TSSC4: variants seen among roughly 807,000 people sequenced by gnomAD.
TSSC4 encodes the protein tumor suppressing subtransferable candidate 4, also known as U5 small nuclear ribonucleoprotein TSSC4.
For missense variants in TSSC4, 500 were observed against 443.9 expected (o/e 1.13, Z -1.14); for synonymous variants, 259 against 197.9 (o/e 1.31, Z -2.59).
intron 1 of TSSC4, chr11:2,401,086 C>A (rs1850131481): frequency 6.6e-6 from 1 of 152,196 alleles, no homozygotes; most frequent in Non-Finnish European, 1.5e-5. Flanking sequence ...CCGGGCTCTG[C>A]GTTCATGTGG....
At chr11:2,401,246 T>C (rs1319162596) in intron 1 of TSSC4, 1 of 152,198 alleles carries the variant, frequency 6.6e-6, no homozygotes, top group Non-Finnish European at 1.5e-5. Context: ...AGTGCCCCGC[T>C]GACCAGGCTG....
chr11:2,401,146 C>G (rs973878526), intron 1 of TSSC4: 1 of 152,258 alleles, frequency 6.6e-6, no homozygotes, highest in Admixed American at 6.5e-5. Context: ...GTCAACTCTA[C>G]CTTCCACTCG....
Position 2,402,427 on chromosome 11 carries a change from A to G in TSSC4, c.-47A>G, listed in dbSNP as rs542154572. ...GTCCAATCACACTCCAGTGTCAACC[A>G]CTGGCACCCAGCAGCCAAGAGAGGT... is the stretch of plus-strand genomic sequence containing the variant. On this transcript the variant is annotated 5_prime_UTR_variant, in exon 2 of 3. Transcript: ENST00000333256. 1.1e-4 allele frequency: 65 copies of G among 598,292 alleles called. No homozygotes were observed. In the Admixed American group the frequency reaches 2.1e-3, roughly 19 times the overall value. The allele number at this position is 598,292 out of a possible 1,614,324, so 37.1% of individuals were successfully genotyped here.
Position 2,403,713 on chromosome 11 carries a change from T to A in TSSC4, c.*90T>A. 7.6e-7 allele frequency: 1 copy of A among 1,322,034 alleles called. No homozygotes were observed. The highest frequency in any genetic ancestry group is 1.0e-6 in the Non-Finnish European group (1 of 1,004,036). 81.9% of individuals were successfully genotyped at this position (1,322,034 alleles called of 1,614,324 possible). A position where few individuals can be genotyped will look rare whatever the true frequency, so the allele number is the denominator to read the frequency against. ...GTCAGGGGGCAGCCTGGCCACTGCC[T>A]AGCTGGAATGGGAGGAAGCCTGCAG... On this transcript the variant is annotated 3_prime_UTR_variant, in exon 3 of 3. Transcript: ENST00000333256.
intron 1 of TSSC4, chr11:2,401,119 C>T (rs1032917545): frequency 3.9e-5 from 6 of 152,222 alleles, no homozygotes; most frequent in African/African-American, 1.4e-4. Flanking sequence ...CTTCCTTCAG[C>T]CTACGGACAT....
chr11:2,401,068 G>C (rs1850131067), intron 1 of TSSC4: 1 of 152,166 alleles, frequency 6.6e-6, no homozygotes, highest in Non-Finnish European at 1.5e-5. Flanking sequence ...ACATATAGTG[G>C]AGAAAGGCCG....
Position 2,403,438 on chromosome 11 carries a change from G to A in TSSC4, c.805G>A (p.Glu269Lys). ...GGCCGGGCCCGGGAGCCCAGAGGCTGAGGAGTGGGGCAGCCACCATGGAGG... is the reference window on the plus strand; with the variant it reads ...GGCCGGGCCCGGGAGCCCAGAGGCTAAGGAGTGGGGCAGCCACCATGGAGG... Reference protein sequence around the residue: ...HLAGPGSPEAEEWGSHHGGLQ... With the variant: ...HLAGPGSPEAKEWGSHHGGLQ... The change falls in exon 3 of 3, where the codon GAG (glutamate) becomes AAG (lysine). Residue 269 changes from glutamate (E) to lysine (K), a missense_variant. Transcript: ENST00000333256. 6.3e-7 allele frequency: 1 copy of A among 1,594,408 alleles called. No homozygotes were observed. Among genetic ancestry groups the A allele is most frequent in the Non-Finnish European group, 8.6e-7 (1 of 1,169,420 alleles).
chr11:2,401,104 G>A (rs1850131882), intron 1 of TSSC4: 1 of 152,216 alleles, frequency 6.6e-6, no homozygotes, highest in Non-Finnish European at 1.5e-5. Context: ...TGGAGAAAGA[G>A]ACGGCTTCCT....
Position 2,403,438 on chromosome 11 carries a change from G to C in TSSC4, c.805G>C (p.Glu269Gln), listed in dbSNP as rs1850235141. Residue 269 changes from glutamate (E) to glutamine (Q), a missense_variant, in exon 3 of 3, where the codon GAG becomes CAG. Physicochemically the swap from Glu to Gln is conservative, Grantham distance 29 (BLOSUM62 2). Transcript: ENST00000333256. ...GGCCGGGCCCGGGAGCCCAGAGGCT[G>C]AGGAGTGGGGCAGCCACCATGGAGG... ...HLAGPGSPEA[E>Q]EWGSHHGGLQ... 1.3e-6 allele frequency: 2 copies of C among 1,594,290 alleles called. No homozygotes were observed. Among genetic ancestry groups the C allele is most frequent in the South Asian group, 2.3e-5 (2 of 88,850 alleles).
chr11:2,403,562 G>C lies in TSSC4; in HGVS notation c.929G>C (p.Arg310Pro). 6.4e-7 allele frequency: 1 copy of C among 1,570,790 alleles called. No homozygotes were observed. Among genetic ancestry groups the C allele is most frequent in the South Asian group, 1.2e-5 (1 of 83,576 alleles). ...GTTGGCTTCCATGGCAGCAGGAAGCGGAGTCGAGACCACTTCCGGAACAAG... is the reference window on the plus strand; with the variant it reads ...GTTGGCTTCCATGGCAGCAGGAAGCCGAGTCGAGACCACTTCCGGAACAAG... ...ETVGFHGSRKRSRDHFRNKSS... is the reference protein window; with the variant it reads ...ETVGFHGSRKPSRDHFRNKSS... Residue 310 changes from arginine to proline, a missense_variant, in exon 3 of 3, where the codon CGG (arginine) becomes CCG (proline). Coordinates refer to ENST00000333256, the MANE Select transcript of TSSC4 (RefSeq NM_005706.4).
chr11:2,401,879 G>A (rs1850155597), intron 1 of TSSC4: 1 of 152,180 alleles, frequency 6.6e-6, no homozygotes, highest in African/African-American at 2.4e-5. Flanking sequence ...TTTCCTGAGA[G>A]CTTGACCCTC....
In TSSC4 at chr11:2,403,428, C is replaced by T; in HGVS notation, c.795C>T (p.Ser265=). ...TGGCCCATCTGGCCGGGCCCGGGAG[C>T]CCAGAGGCTGAGGAGTGGGGCAGCC... The part of the protein sequence containing the change: ...VELAHLAGPG[S]PEAEEWGSHH... Residue 265 remains serine (S), a synonymous_variant, in exon 3 of 3, where the codon AGC becomes AGT. Coordinates refer to ENST00000333256, the MANE Select transcript of TSSC4 (RefSeq NM_005706.4). 1 of 1,592,854 alleles carries T rather than the reference C, an allele frequency of 6.3e-7. No individual in the cohort carries two copies. Among genetic ancestry groups the T allele is most frequent in the East Asian group, 2.2e-5 (1 of 44,588 alleles).
chr11:2,402,678 C>T lies in TSSC4; in HGVS notation c.45C>T (p.Gly15=), dbSNP rs1404645272. The part of the protein sequence containing the change: ...GTGEPSPSVE[G]EHGTEYDTLP... ...GTGAGCCGTCCCCCAGCGTGGAGGG[C>T]GAACACGGGACGGAGTATGACACGC... Residue 15 remains glycine, a synonymous_variant, in exon 3 of 3, where the codon GGC becomes GGT. Transcript: ENST00000333256. 1.3e-5 allele frequency: 20 copies of T among 1,591,122 alleles called. No individual in the cohort carries two copies. The highest frequency in any genetic ancestry group is 1.1e-4 in the East Asian group (5 of 44,002).
intron 2 of TSSC4, 39 bp from the exon 3 acceptor site, chr11:2,402,572 C>T (rs925663784): frequency 2.0e-6 from 3 of 1,485,098 alleles, no homozygotes; most frequent in Non-Finnish European, 2.7e-6. Flanking sequence ...CAATACTGTT[C>T]CTCCTGAGAA....
intron 1 of TSSC4, chr11:2,401,327 C>T (rs1208448389): frequency 6.6e-6 from 1 of 152,282 alleles, no homozygotes; most frequent in Non-Finnish European, 1.5e-5. Context: ...TCTGGTTGAA[C>T]TCCAGCTTCG....
Position 2,402,356 on chromosome 11 carries a change from C to T in TSSC4, c.-118C>T, listed in dbSNP as rs749995511. On this transcript the variant is annotated 5_prime_UTR_variant, in exon 2 of 3. Transcript: ENST00000333256. ...AGGCCTGAGACGACCACGCCTGTGC[C>T]GCTGAGGACCTTCATCAGGGCTCCG... is the stretch of plus-strand genomic sequence containing the variant. 5.8e-5 allele frequency: 28 copies of T among 479,898 alleles called. No homozygotes were observed. Among genetic ancestry groups the T allele is most frequent in the East Asian group, 1.1e-4 (3 of 27,956 alleles). 29.7% of individuals were successfully genotyped at this position (479,898 alleles called of 1,614,324 possible).
At position 2,403,747 on chromosome 11, in the gene TSSC4, G is replaced by C. The variant is rs184868594; in HGVS notation, c.*124G>C. The C allele has an allele frequency of 1.9e-6, 2 of 1,057,130 alleles. No homozygotes were observed. Among genetic ancestry groups the C allele is most frequent in the African/African-American group, 1.7e-5 (1 of 60,538 alleles). The allele number at this position is 1,057,130 out of a possible 1,614,324, so 65.5% of individuals were successfully genotyped here. ...TGGGAGGAAGCCTGCAGGTGGCACC[G>C]GTGGCCCTGGCTGCAGTTCTGGGCA... On this transcript the variant is annotated 3_prime_UTR_variant, in exon 3 of 3. Coordinates refer to ENST00000333256, the MANE Select transcript of TSSC4 (RefSeq NM_005706.4).
chr11:2,402,650 C>T lies in TSSC4; in HGVS notation c.17C>T (p.Thr6Ile). The T allele has an allele frequency of 6.3e-7, 1 of 1,594,950 alleles. No individual in the cohort carries two copies. The highest frequency in any genetic ancestry group is 1.1e-5 in the South Asian group (1 of 89,048). The change falls in exon 3 of 3, where the codon ACA becomes ATA. Residue 6 changes from threonine (T) to isoleucine (I), a missense_variant. Coordinates refer to ENST00000333256, the MANE Select transcript of TSSC4 (RefSeq NM_005706.4). The part of the protein sequence containing the change: MAEAG[T>I]GEPSPSVEGE... ...TGGGGACGCATGGCTGAGGCAGGAA[C>T]AGGTGAGCCGTCCCCCAGCGTGGAG...
At position 2,403,236 on chromosome 11, in the gene TSSC4, C is replaced by T. The variant is rs1565002154; in HGVS notation, c.603C>T (p.Phe201=). 1.9e-6 allele frequency: 3 copies of T among 1,612,890 alleles called. No homozygotes were observed. The African/African-American group carries it at 4.0e-5, about 21-fold the overall frequency. ...LAAPTDCVSS[F]NQDPSSCGEG... Reference sequence around the variant, plus strand: ...CCCCCACTGACTGCGTGTCCTCCTTCAACCAGGATCCCTCCAGCTGTGGGG... The same window carrying T: ...CCCCCACTGACTGCGTGTCCTCCTTTAACCAGGATCCCTCCAGCTGTGGGG... The change falls in exon 3 of 3, where the codon TTC becomes TTT. Residue 201 remains phenylalanine, a synonymous_variant. Transcript: ENST00000333256.
Sources: allele counts gnomAD v4.1 joint callset, GRCh38; gene constraint gnomAD v4.1.1; transcripts MANE v1.5; gene names NCBI Gene and HGNC (gene_info 2026-07-23, HGNC 2026-07-21).